Variants in NEK5 observed in about 807,000 individuals in gnomAD.
NEK5 encodes the protein serine/threonine-protein kinase Nek5.
NEK5 carries 88 observed loss-of-function variants against 109.2 expected under a neutral mutation model. That is an observed-to-expected ratio of 0.81 (90% CI 0.68 to 0.96). The LOEUF is 0.96. NEK5 is among the 40% of genes least tolerant of loss of function. The probability of loss-of-function intolerance (pLI) is 0.00; values close to 1 mark genes in which losing one functional copy is unlikely to be tolerated. For missense variants in NEK5, 834 were observed against 920.7 expected (o/e 0.91, Z 1.22); for synonymous variants, 283 against 299.9 (o/e 0.94, Z 0.58).
At chr13:52,037,699 G>A (rs1954373569) in intron 23 of NEK5, among the ~76,000 whole-genome samples, 1 of 152,098 alleles carries the variant, frequency 6.6e-6, no homozygotes, top group African/African-American at 2.4e-5. Flanking sequence ...CGAGGCGGGC[G>A]GATCACGAGG....
intron 8 of NEK5, among the ~76,000 whole-genome samples, chr13:52,105,888 A>G (rs1314643427): frequency 6.6e-6 from 1 of 151,914 alleles, no homozygotes; most frequent in Admixed American, 6.6e-5. Flanking sequence ...GGATGTAGTG[A>G]CAGGGTCTCA....
chr13:52,085,644 G>A (rs1164146141), intron 16 of NEK5, among the ~76,000 whole-genome samples: 1 of 152,182 alleles, frequency 6.6e-6, no homozygotes, highest in Non-Finnish European at 1.5e-5. Flanking sequence ...TGTGTTCCTA[G>A]TGTTTCAATA....
chr13:52,106,410 T>G (rs947000663), intron 8 of NEK5, among the ~76,000 whole-genome samples: 1 of 152,178 alleles, frequency 6.6e-6, no homozygotes, highest in Non-Finnish European at 1.5e-5. Flanking sequence ...AATGAAATTT[T>G]TTTCCTTCTC....
chr13:52,106,781 T>A (rs1259476482), intron 8 of NEK5, among the ~76,000 whole-genome samples: 17 of 150,976 alleles, frequency 1.1e-4, no homozygotes, highest in Admixed American at 1.1e-3. Context: ...AAAAAAAAAA[T>A]TATTGCTGAG....
At chr13:52,046,133 G>GA (rs1954457247) in intron 23 of NEK5, among the ~76,000 whole-genome samples, 1 of 150,564 alleles carries the variant, frequency 6.6e-6, no homozygotes, top group African/African-American at 2.4e-5. Context: ...AGTTAAAGAT[G>GA]AATAAAATAT....
rs912166005 is a variant in NEK5 at position 52,067,239 on chromosome 13, T to TA, written c.1850-1631dup. On this transcript the variant is annotated intron_variant, in intron 20 of 23. Transcript: ENST00000684899. Reference sequence around the variant, plus strand: ...ACCTGCCAAGATCTCCCTATACCATTAAAAAAAAAATCCTACTGTGGTTTT... The same window carrying TA: ...ACCTGCCAAGATCTCCCTATACCATTAAAAAAAAAAATCCTACTGTGGTTTT... Among the ~76,000 whole-genome samples, 52 of 149,314 alleles carry TA rather than the reference T, an allele frequency of 3.5e-4. 1 individual carries two copies. The highest frequency in any genetic ancestry group is 3.5e-3 in the Middle Eastern group (1 of 286).
chr13:52,046,509 GAAGA>G (rs1566727108), intron 23 of NEK5, among the ~76,000 whole-genome samples: 1 of 149,820 alleles, frequency 6.7e-6, no homozygotes, highest in South Asian at 2.1e-4. Flanking sequence ...AGAAGAAGAA[GAAGA>G]AAGAGTTTAA....
chr13:52,039,203 G>A (rs188723359), intron 23 of NEK5, among the ~76,000 whole-genome samples: 11 of 152,170 alleles, frequency 7.2e-5, no homozygotes, highest in African/African-American at 9.6e-5. Context: ...TGCAGAACGC[G>A]TACTATCTCT....
At chr13:52,064,269 G>A (rs1481252619) in intron 21 of NEK5, among the ~76,000 whole-genome samples, 1 of 143,014 alleles carries the variant, frequency 7.0e-6, no homozygotes, top group Non-Finnish European at 1.6e-5. Context: ...CGTCCGGGAG[G>A]TGAGGGGCGC....
chr13:52,084,183 C>T (rs1446158668), intron 16 of NEK5, among the ~76,000 whole-genome samples: 2 of 152,180 alleles, frequency 1.3e-5, no homozygotes, highest in Non-Finnish European at 2.9e-5. Context: ...GTCATTCCAA[C>T]CATTTATAAG....
chr13:52,069,862 G>A (rs1009988804), intron 20 of NEK5, among the ~76,000 whole-genome samples: 1 of 152,188 alleles, frequency 6.6e-6, no homozygotes, highest in Non-Finnish European at 1.5e-5. Context: ...CCCTGGAGGA[G>A]TGCGGACCTC....
chr13:52,057,290 A>G, intron 22 of NEK5, among the ~76,000 whole-genome samples: 1 of 151,660 alleles, frequency 6.6e-6, no homozygotes, highest in African/African-American at 2.4e-5. Context: ...AGGATCTGAA[A>G]TTGTGGCAAT....
intron 19 of NEK5, among the ~76,000 whole-genome samples, chr13:52,075,130 C>A (rs765041513): frequency 3.3e-5 from 5 of 152,100 alleles, no homozygotes; most frequent in Non-Finnish European, 7.4e-5. Context: ...GGTATATATC[C>A]AAAAGAAAAC....
At chr13:52,067,259 G>C (rs988150200) in intron 20 of NEK5, among the ~76,000 whole-genome samples, 1 of 152,090 alleles carries the variant, frequency 6.6e-6, no homozygotes, top group Admixed American at 6.5e-5. Flanking sequence ...ATCCTACTGT[G>C]GTTTTGATTG....
intron 23 of NEK5, among the ~76,000 whole-genome samples, chr13:52,048,499 T>C (rs1954477111): frequency 6.6e-6 from 1 of 151,930 alleles, no homozygotes; most frequent in Non-Finnish European, 1.5e-5. Context: ...TAAACAAAAT[T>C]ATAAAAATAC....
intron 13 of NEK5, among the ~76,000 whole-genome samples, chr13:52,089,811 C>T (rs1174162161): frequency 3.3e-5 from 5 of 151,918 alleles, no homozygotes. Flanking sequence ...CATGGTGAAA[C>T]CCCGTCTCTG....
intron 22 of NEK5, among the ~76,000 whole-genome samples, chr13:52,053,624 A>T (rs1354551559): frequency 6.6e-6 from 1 of 152,158 alleles, no homozygotes; most frequent in African/African-American, 2.4e-5. Flanking sequence ...CCCCACCAGG[A>T]ACTTCAAGGC....
At chr13:52,046,168 T>C (rs1954457575) in intron 23 of NEK5, among the ~76,000 whole-genome samples, 1 of 150,600 alleles carries the variant, frequency 6.6e-6, no homozygotes, top group Non-Finnish European at 1.5e-5. Context: ...AATTAAATAA[T>C]AAATATATTT....
rs1480646907 is a variant in NEK5 at position 52,034,094 on chromosome 13, G to GTGT, written c.*2851_*2853dup. ...GTTACTAGACACAGAGGAGGTCAAA[G>GTGT]TGTTGATACACTTATTGCTACCATT... is the stretch of plus-strand genomic sequence containing the variant. On this transcript the variant is annotated 3_prime_UTR_variant, in exon 24 of 24. Coordinates refer to ENST00000684899, the MANE Select transcript of NEK5 (RefSeq NM_001365552.1). 1.3e-5 allele frequency: 2 copies of GTGT among 152,184 alleles called. No homozygotes were observed. The highest frequency in any genetic ancestry group is 1.9e-4 in the East Asian group (1 of 5,198). The allele number at this position is 152,184 out of a possible 1,614,324, so 9.4% of individuals were successfully genotyped here.
Sources: gnomAD v4.1 joint callset for allele counts (sites outside exome capture counted in the v4.1 genomes callset) on GRCh38, gnomAD v4.1.1 for gene constraint, MANE v1.5 for transcripts, NCBI Gene and HGNC (gene_info 2026-07-23, HGNC 2026-07-21) for gene names.